Variants in WWOX observed in about 807,000 individuals in gnomAD.
The protein encoded by WWOX is WW domain containing oxidoreductase.
Under a neutral mutation model 46.2 loss-of-function variants are expected in WWOX, and 69 were observed. That is an observed-to-expected ratio of 1.49 (90% CI 1.23 to 1.82). The LOEUF (loss-of-function observed/expected upper bound fraction) is 1.82. Ranked by LOEUF, WWOX falls within the 40% of genes most tolerant of loss-of-function variation. The pLI is 0.00. For synonymous variants in WWOX, 359 were observed against 202.6 expected (o/e 1.77, Z -6.56); for missense variants, 919 against 542.6 (o/e 1.69, Z -6.89).
chr16:78,729,479 G>C (rs937353306), intron 8 of WWOX, among the ~76,000 whole-genome samples: 2 of 152,164 alleles, frequency 1.3e-5, no homozygotes, highest in African/African-American at 4.8e-5. Flanking sequence ...GAAGGTCAGA[G>C]GGAGATTTGA....
intron 8 of WWOX, among the ~76,000 whole-genome samples, chr16:78,565,011 C>T (rs1187140199): frequency 6.6e-6 from 1 of 152,032 alleles, no homozygotes; most frequent in African/African-American, 2.4e-5. Context: ...TTGTTGGAGC[C>T]CTAGGAACCG....
intron 6 of WWOX, among the ~76,000 whole-genome samples, chr16:78,393,337 T>C (rs1482891087): frequency 6.6e-6 from 1 of 152,066 alleles, no homozygotes; most frequent in African/African-American, 2.4e-5. Flanking sequence ...TAGAGAGAGG[T>C]GCTCTGTAAT....
At chr16:79,207,368 A>C (rs1024102901) in intron 8 of WWOX, among the ~76,000 whole-genome samples, 2 of 152,190 alleles carry the variant, frequency 1.3e-5, no homozygotes, top group Non-Finnish European at 2.9e-5. Flanking sequence ...ACTTCAGATC[A>C]CCACTTTGTC....
At chr16:78,713,391 G>C (rs1235329168) in intron 8 of WWOX, among the ~76,000 whole-genome samples, 1 of 151,180 alleles carries the variant, frequency 6.6e-6, no homozygotes, top group South Asian at 2.1e-4. Context: ...GCAGAGCTCC[G>C]TCTTGATGCT....
intron 8 of WWOX, among the ~76,000 whole-genome samples, chr16:78,762,456 C>A (rs1285830205): frequency 6.6e-6 from 1 of 152,166 alleles, no homozygotes; most frequent in Non-Finnish European, 1.5e-5. Flanking sequence ...GTCGAATAGA[C>A]ATTAAGTGAG....
intron 8 of WWOX, among the ~76,000 whole-genome samples, chr16:78,733,611 C>T (rs1221997392): frequency 2.0e-5 from 3 of 151,278 alleles, no homozygotes. Context: ...AAAAATTAGC[C>T]GGGTATGGTG....
intron 8 of WWOX, among the ~76,000 whole-genome samples, chr16:78,703,218 T>C (rs1054815229): frequency 6.6e-6 from 1 of 151,968 alleles, no homozygotes; most frequent in East Asian, 1.9e-4. Flanking sequence ...CTGTCTCTTT[T>C]CTCTGTGTGT....
chr16:79,123,774 T>C (rs2150681125), intron 8 of WWOX, among the ~76,000 whole-genome samples: 1 of 152,308 alleles, frequency 6.6e-6, no homozygotes, highest in East Asian at 1.9e-4. Flanking sequence ...TATAAAGAAT[T>C]ATGTCAACCT....
At chr16:78,935,714 G>C (rs538592987) in intron 8 of WWOX, among the ~76,000 whole-genome samples, 48 of 151,844 alleles carry the variant, frequency 3.2e-4, no homozygotes, top group African/African-American at 1.1e-3. Flanking sequence ...ATGTAACAAA[G>C]CTGCACATTG....
chr16:78,139,459 C>T (rs1436811405), intron 4 of WWOX, among the ~76,000 whole-genome samples: 1 of 152,130 alleles, frequency 6.6e-6, no homozygotes, highest in East Asian at 1.9e-4. Context: ...GCCTGGCCAA[C>T]ATGGTGAAAC....
At chr16:78,626,129 T>C (rs1197942609) in intron 8 of WWOX, among the ~76,000 whole-genome samples, 3 of 151,570 alleles carry the variant, frequency 2.0e-5, no homozygotes, top group Admixed American at 6.6e-5. Flanking sequence ...ACCACTTTTA[T>C]TTATTTTTTT....
intron 8 of WWOX, among the ~76,000 whole-genome samples, chr16:78,531,370 A>G (rs2043616861): frequency 6.6e-6 from 1 of 152,148 alleles, no homozygotes; most frequent in Non-Finnish European, 1.5e-5. Flanking sequence ...TTAGGTTAGA[A>G]TGGTTCTGTT....
chr16:78,774,840 A>G lies in WWOX; in HGVS notation c.1056+342088A>G, dbSNP rs190086007. Reference sequence around the variant, plus strand: ...ATCTTGTGCTTCCTATCACATGCCCATTCTGCAAGTCCATCCCCTTATTGA... The same window carrying G: ...ATCTTGTGCTTCCTATCACATGCCCGTTCTGCAAGTCCATCCCCTTATTGA... On this transcript the variant is annotated intron_variant, in intron 8 of 8. Coordinates refer to ENST00000566780, the MANE Select transcript of WWOX (RefSeq NM_016373.4). 3.0e-4 allele frequency among the ~76,000 whole-genome samples: 45 copies of G among 152,324 alleles called. No individual in the cohort carries two copies. In the Middle Eastern group the frequency reaches 0.01, roughly 35 times the overall value.
intron 8 of WWOX, among the ~76,000 whole-genome samples, chr16:78,867,511 T>TGTG (rs201319919): frequency 6.7e-6 from 1 of 149,862 alleles, no homozygotes; most frequent in African/African-American, 2.5e-5. Flanking sequence ...TGTGTGTGTG[T>TGTG]ATGTGTGTGT....
chr16:78,740,066 C>T (rs2049180410), intron 8 of WWOX, among the ~76,000 whole-genome samples: 1 of 152,124 alleles, frequency 6.6e-6, no homozygotes, highest in African/African-American at 2.4e-5. Context: ...CCACTGTGGT[C>T]ACCTTTGCCA....
chr16:78,150,199 C>A (rs1349177305), intron 4 of WWOX, among the ~76,000 whole-genome samples: 5 of 152,124 alleles, frequency 3.3e-5, no homozygotes, highest in Non-Finnish European at 7.3e-5. Flanking sequence ...GAAATATTTA[C>A]TTATGTTTAC....
At chr16:78,311,886 A>G (rs1301870434) in intron 5 of WWOX, among the ~76,000 whole-genome samples, 1 of 152,232 alleles carries the variant, frequency 6.6e-6, no homozygotes, top group Non-Finnish European at 1.5e-5. Flanking sequence ...TCTGGAGGTC[A>G]GAGGTCTGAC....
chr16:78,211,214 T>C (rs2036549140), intron 5 of WWOX, among the ~76,000 whole-genome samples: 1 of 152,006 alleles, frequency 6.6e-6, no homozygotes, highest in Admixed American at 6.5e-5. Context: ...TTCCCACGAG[T>C]CTAGGGTGGG....
intron 6 of WWOX, among the ~76,000 whole-genome samples, chr16:78,395,400 T>C (rs2082262296): frequency 6.6e-6 from 1 of 152,146 alleles, no homozygotes; most frequent in African/African-American, 2.4e-5. Context: ...ACACCTGTAG[T>C]CCCAGCTGCT....
Sources: gnomAD v4.1 joint callset for allele counts (sites outside exome capture counted in the v4.1 genomes callset) on GRCh38, gnomAD v4.1.1 for gene constraint, MANE v1.5 for transcripts, NCBI Gene and HGNC (gene_info 2026-07-23, HGNC 2026-07-21) for gene names.